Variants in DLGAP2 observed in about 807,000 individuals in gnomAD.
DLGAP2 encodes disks large-associated protein 2.
A neutral mutation model predicts 100.3 loss-of-function variants in DLGAP2; 26 were observed. The ratio of observed to expected loss-of-function variants is 0.26; its 90% CI spans 0.19 to 0.36. DLGAP2 has a LOEUF of 0.36. Ranked by LOEUF, DLGAP2 falls within the 10% of genes least tolerant of loss-of-function variation. DLGAP2 has a pLI of 1.00. For synonymous variants in DLGAP2, 886 were observed against 630.1 expected, an observed-to-expected ratio of 1.41 and a Z score of -6.08; for missense variants, 1,858 against 1,453.2, an observed-to-expected ratio of 1.28 and a Z score of -4.53.
intron 2 of DLGAP2, among the ~76,000 whole-genome samples, chr8:1,041,306 G>T (rs541482389): frequency 1.1e-4 from 16 of 151,740 alleles, no homozygotes; most frequent in Non-Finnish European, 1.9e-4. Flanking sequence ...CGTGGAGATC[G>T]CCCCTCGCAG....
chr8:1,203,221 A>G (rs746643306), intron 2 of DLGAP2, among the ~76,000 whole-genome samples: 7 of 152,162 alleles, frequency 4.6e-5, no homozygotes, highest in African/African-American at 7.2e-5. Flanking sequence ...TGTGTCCTGC[A>G]GCACCCACCC....
intron 2 of DLGAP2, among the ~76,000 whole-genome samples, chr8:1,204,634 A>G (rs1797951460): frequency 6.6e-6 from 1 of 152,164 alleles, no homozygotes; most frequent in Admixed American, 6.5e-5. Flanking sequence ...TGGGAACTGC[A>G]TGTTGGCTGA....
chr8:960,237 C>A (rs202121701), intron 2 of DLGAP2, among the ~76,000 whole-genome samples: 1 of 44,640 alleles, frequency 2.2e-5, no homozygotes, highest in Non-Finnish European at 4.0e-5. Context: ...TGAAGTATAT[C>A]TTTTTTTTTT....
chr8:1,232,998 CT>C (rs763669788), intron 2 of DLGAP2, among the ~76,000 whole-genome samples: 16 of 152,222 alleles, frequency 1.1e-4, no homozygotes, highest in Middle Eastern at 3.2e-3. Context: ...ACTTGCTATG[CT>C]GAACATTTCA....
chr8:1,154,169 C>G (rs1218639987), intron 2 of DLGAP2, among the ~76,000 whole-genome samples: 1 of 152,072 alleles, frequency 6.6e-6, no homozygotes, highest in Non-Finnish European at 1.5e-5. Context: ...GATCGAATGC[C>G]TCGAGGTAAT....
At chr8:1,273,984 T>C (rs926517911) in intron 3 of DLGAP2, among the ~76,000 whole-genome samples, 1 of 152,282 alleles carries the variant, frequency 6.6e-6, no homozygotes, top group Middle Eastern at 3.4e-3. Flanking sequence ...CAAACCTGAG[T>C]CATTCAGTAA....
intron 6 of DLGAP2, among the ~76,000 whole-genome samples, chr8:1,593,562 C>G (rs961263720): frequency 1.3e-5 from 2 of 152,162 alleles, no homozygotes; most frequent in East Asian, 3.9e-4. Flanking sequence ...CAAAGATGCT[C>G]GGGAGATTCT....
chr8:897,860 T>A (rs1445193123), intron 1 of DLGAP2, among the ~76,000 whole-genome samples: 1 of 152,200 alleles, frequency 6.6e-6, no homozygotes, highest in Non-Finnish European at 1.5e-5. Flanking sequence ...CCCCCAGGGC[T>A]GTGAGTTTCT....
intron 1 of DLGAP2, among the ~76,000 whole-genome samples, chr8:752,838 A>G (rs1415938923): frequency 6.6e-6 from 1 of 152,010 alleles, no homozygotes; most frequent in Non-Finnish European, 1.5e-5. Flanking sequence ...TCGGGCTCAG[A>G]GCCTCCCACT....
intron 2 of DLGAP2, among the ~76,000 whole-genome samples, chr8:1,073,188 A>T (rs1803488235): frequency 6.6e-6 from 1 of 152,218 alleles, no homozygotes; most frequent in African/African-American, 2.4e-5. Context: ...AATAGAAATG[A>T]CACCAGCAAA....
chr8:1,447,780 T>C (rs1798022280), intron 3 of DLGAP2, among the ~76,000 whole-genome samples: 1 of 152,248 alleles, frequency 6.6e-6, no homozygotes, highest in Non-Finnish European at 1.5e-5. Flanking sequence ...TACTGGTCTA[T>C]TCAGAGAGTC....
intron 2 of DLGAP2, among the ~76,000 whole-genome samples, chr8:1,049,436 T>G (rs1423601724): frequency 6.6e-5 from 10 of 152,172 alleles, no homozygotes; most frequent in African/African-American, 2.4e-4. Flanking sequence ...TTGGAATGTT[T>G]CTTTCTAAAC....
intron 3 of DLGAP2, among the ~76,000 whole-genome samples, chr8:1,371,781 C>A (rs1802243676): frequency 6.6e-6 from 1 of 152,112 alleles, no homozygotes; most frequent in Non-Finnish European, 1.5e-5. Context: ...TTGTGCATTT[C>A]TCATATTCCA....
At chr8:1,630,543 A>C (rs1202702814) in intron 7 of DLGAP2, among the ~76,000 whole-genome samples, 1 of 152,080 alleles carries the variant, frequency 6.6e-6, no homozygotes, top group Non-Finnish European at 1.5e-5. Flanking sequence ...TCTACTAAAA[A>C]TACAAAAAAT....
chr8:1,350,692 G>A (rs1801697438), intron 3 of DLGAP2, among the ~76,000 whole-genome samples: 2 of 106,882 alleles, frequency 1.9e-5, no homozygotes, highest in African/African-American at 7.7e-5. Context: ...GCGTGGAAAG[G>A]CCGTGCGGGT....
intron 6 of DLGAP2, among the ~76,000 whole-genome samples, chr8:1,604,247 T>C (rs1407958497): frequency 1.3e-5 from 2 of 152,248 alleles, no homozygotes; most frequent in Admixed American, 1.3e-4. Context: ...TGGAGTTTGC[T>C]GAAAATGTAA....
rs1563056187 is a variant in DLGAP2, at chr8:1,275,770, A to AC, written c.106+16887_106+16888insC. 1.2e-3 allele frequency among the ~76,000 whole-genome samples: 159 copies of AC among 131,382 alleles called. 2 individuals are homozygous for AC. In the South Asian group the frequency reaches 0.024, roughly 20 times the overall value. The allele number at this position is 131,382 out of a possible 152,430, so 86.2% of individuals were successfully genotyped here. On this transcript the variant is annotated intron_variant, in intron 3 of 14. Transcript: ENST00000637795. ...TATAAATAAATATATAAAAATATATATTATATATAAAAATATATAATATAT... is the reference window on the plus strand; with the variant it reads ...TATAAATAAATATATAAAAATATATACTTATATATAAAAATATATAATATAT...
intron 2 of DLGAP2, among the ~76,000 whole-genome samples, chr8:1,142,302 A>G (rs534525055): frequency 3.7e-4 from 56 of 152,344 alleles, no homozygotes; most frequent in Middle Eastern, 3.4e-3. Context: ...GAAAAAAAGT[A>G]CGACACAGAA....
chr8:1,647,588 T>C (rs145255771), intron 8 of DLGAP2, among the ~76,000 whole-genome samples: 37 of 147,914 alleles, frequency 2.5e-4, no homozygotes, highest in Admixed American at 1.4e-3. Context: ...CCATTATGAA[T>C]GCAGACAGCA....
Sources: gnomAD v4.1 joint callset for allele counts (sites outside exome capture counted in the v4.1 genomes callset) on GRCh38, gnomAD v4.1.1 for gene constraint, MANE v1.5 for transcripts, NCBI Gene and HGNC (gene_info 2026-07-23, HGNC 2026-07-21) for gene names.